Variants in MAP3K3 observed in about 807,000 individuals in gnomAD.
MAP3K3 encodes the protein mitogen-activated protein kinase kinase kinase 3.
In MAP3K3, 12 loss-of-function variants were observed where a neutral mutation model predicts 80.9. The observed-to-expected ratio is 0.15, with a 90% confidence interval of 0.10 to 0.24. The LOEUF (loss-of-function observed/expected upper bound fraction) is 0.24, where lower values mean the gene tolerates loss of function less well. Ranked by LOEUF, MAP3K3 falls within the 10% of genes least tolerant of loss-of-function variation. The pLI, the probability that MAP3K3 is intolerant of heterozygous loss-of-function variation, is 1.00. For synonymous variants in MAP3K3, 272 were observed against 307.1 expected (o/e 0.89, Z 1.19); for missense variants, 596 against 834.7 (o/e 0.71, Z 3.52).
intron 3 of MAP3K3, among the ~76,000 whole-genome samples, chr17:63,646,719 G>A (rs952319807): frequency 1.3e-5 from 2 of 152,038 alleles, no homozygotes; most frequent in African/African-American, 2.4e-5. Context: ...GTTATTTTTT[G>A]TGGGAAGCCA....
chr17:63,693,586 A>C lies in MAP3K3; in HGVS notation c.1690A>C (p.Lys564Gln). 6.2e-7 allele frequency: 1 copy of C among 1,607,640 alleles called. No individual in the cohort carries two copies. The highest frequency in any genetic ancestry group is 8.5e-7 in the Non-Finnish European group (1 of 1,176,964). Residue 564 changes from lysine (K) to glutamine (Q), a missense_variant, in exon 16 of 16, where the codon AAA (lysine) becomes CAA (glutamine). Transcript: ENST00000361733. The surrounding 1 kb of genome is among the most constrained non-coding windows in gnomAD (Gnocchi z 4.2). The stretch of plus-strand genomic sequence containing the variant: ...CACTGTGGTGGAGATGCTGACAGAG[A>C]AACCACCGTGGGCAGAGTATGAAGC... ...GCTVVEMLTEKPPWAEYEAMA... is the reference protein window; with the variant it reads ...GCTVVEMLTEQPPWAEYEAMA...
At chr17:63,662,967 G>T (rs946695184) in intron 5 of MAP3K3, among the ~76,000 whole-genome samples, 1 of 151,084 alleles carries the variant, frequency 6.6e-6, no homozygotes, top group African/African-American at 2.4e-5. Context: ...GAGCCACCAC[G>T]CCCGGCCCCA....
intron 1 of MAP3K3, among the ~76,000 whole-genome samples, 190 bp from the exon 2 acceptor site, chr17:63,632,491 C>T (rs948713647): frequency 2.0e-5 from 3 of 151,766 alleles, no homozygotes; most frequent in Non-Finnish European, 4.4e-5. Flanking sequence ...GACCTTGTCT[C>T]GAAGAAAAAA....
In MAP3K3 at chr17:63,690,297, A is replaced by G. The variant is rs1568155526; in HGVS notation, c.1097A>G (p.Lys366Arg). Residue 366 changes from lysine to arginine, a missense_variant, in exon 12 of 16, where the codon AAG (lysine) becomes AGG (arginine). Physicochemically the swap from Lys to Arg is conservative, Grantham distance 26. This residue lies in a region of MAP3K3 where 364 missense variants were observed against 588.9 expected (regional missense o/e 0.62). Coordinates refer to ENST00000361733, the MANE Select transcript of MAP3K3 (RefSeq NM_002401.5). Reference protein sequence around the residue: ...PSAPINWRRGKLLGQGAFGRV... With the variant: ...PSAPINWRRGRLLGQGAFGRV... The stretch of plus-strand genomic sequence containing the variant: ...GCCCCCATCAACTGGCGCCGGGGAA[A>G]GCTCCTGGGCCAGGGTGCCTTCGGC... 6.2e-7 allele frequency: 1 copy of G among 1,614,146 alleles called. No individual in the cohort carries two copies. The highest frequency in any genetic ancestry group is 1.7e-5 in the Admixed American group (1 of 60,018).
chr17:63,628,263 T>G (rs1210523459), intron 1 of MAP3K3, among the ~76,000 whole-genome samples: 8 of 152,234 alleles, frequency 5.3e-5, no homozygotes, highest in African/African-American at 1.9e-4. Context: ...ATCATCCATA[T>G]AACCTCTTAT....
At chr17:63,624,027 A>T (rs954986395) in intron 1 of MAP3K3, among the ~76,000 whole-genome samples, 7 of 152,186 alleles carry the variant, frequency 4.6e-5, no homozygotes, top group African/African-American at 1.7e-4. Context: ...CTCATACAGT[A>T]TGAGAAGGGT....
intron 5 of MAP3K3, among the ~76,000 whole-genome samples, chr17:63,663,900 T>C (rs2034945994): frequency 6.6e-6 from 1 of 151,960 alleles, no homozygotes; most frequent in Non-Finnish European, 1.5e-5. Flanking sequence ...AAAGATGATA[T>C]ATGTGGCATC....
At chr17:63,640,646 G>A (rs1598070149) in intron 2 of MAP3K3, among the ~76,000 whole-genome samples, 1 of 152,180 alleles carries the variant, frequency 6.6e-6, no homozygotes, top group East Asian at 1.9e-4. Flanking sequence ...GCAAAAATTA[G>A]GATAGCTTCG....
intron 1 of MAP3K3, among the ~76,000 whole-genome samples, chr17:63,624,070 C>T (rs1244348391): frequency 6.6e-6 from 1 of 152,178 alleles, no homozygotes; most frequent in African/African-American, 2.4e-5. Flanking sequence ...GTTTCCTTCT[C>T]ATGCTTTCCT....
chr17:63,627,521 C>T (rs557532415), intron 1 of MAP3K3, among the ~76,000 whole-genome samples: 12 of 151,910 alleles, frequency 7.9e-5, no homozygotes, highest in African/African-American at 2.9e-4. Context: ...CAGTTCACTG[C>T]AACCTCTGCC....
intron 1 of MAP3K3, among the ~76,000 whole-genome samples, chr17:63,629,729 C>G (rs1212760798): frequency 6.6e-6 from 1 of 152,192 alleles, no homozygotes; most frequent in African/African-American, 2.4e-5. Context: ...TTCTATAACC[C>G]TGATTCACTT....
chr17:63,676,721 C>T (rs1412892984), intron 6 of MAP3K3, among the ~76,000 whole-genome samples: 1 of 152,188 alleles, frequency 6.6e-6, no homozygotes, highest in East Asian at 1.9e-4. Context: ...CACAGAGCGT[C>T]CTCCCTCTTC....
At chr17:63,680,413 A>G (rs959587022) in intron 6 of MAP3K3, among the ~76,000 whole-genome samples, 2 of 152,186 alleles carry the variant, frequency 1.3e-5, no homozygotes, top group African/African-American at 2.4e-5. Flanking sequence ...GCTACAAGAA[A>G]TATTTGTGTG....
intron 6 of MAP3K3, among the ~76,000 whole-genome samples, chr17:63,674,112 A>C (rs1175748226): frequency 6.6e-6 from 1 of 151,062 alleles, no homozygotes; most frequent in East Asian, 1.9e-4. Flanking sequence ...TCCCTGCTAC[A>C]TTCTGACTCC....
chr17:63,633,336 C>T (rs986551690), intron 2 of MAP3K3, among the ~76,000 whole-genome samples: 16 of 151,866 alleles, frequency 1.1e-4, no homozygotes, highest in African/African-American at 2.4e-4. Flanking sequence ...TATTCATATT[C>T]GTTTTTCCCC....
At chr17:63,634,922 A>C in intron 2 of MAP3K3, 1 of 850,486 alleles carries the variant, frequency 1.2e-6, no homozygotes, top group Non-Finnish European at 1.9e-6. Flanking sequence ...AGCATTGGTT[A>C]CCCGTGACCT....
chr17:63,673,664 A>C lies in MAP3K3; in HGVS notation c.502+6604A>C, dbSNP rs561078350. On this transcript the variant is annotated intron_variant, in intron 6 of 15. Coordinates refer to ENST00000361733, the MANE Select transcript of MAP3K3 (RefSeq NM_002401.5). ...AGTGGCTCATGCCTATAATCTTAAC[A>C]CTTTGGGAGGCCAAGGCGGGCAAAT... Among the ~76,000 whole-genome samples the C allele has an allele frequency of 1.5e-4, 23 of 152,240 alleles. 1 individual carries two copies. The highest frequency in any genetic ancestry group is 5.5e-4 in the African/African-American group (23 of 41,506).
chr17:63,655,358 G>C (rs2034746211), intron 4 of MAP3K3, among the ~76,000 whole-genome samples: 2 of 152,168 alleles, frequency 1.3e-5, no homozygotes, highest in African/African-American at 4.8e-5. Flanking sequence ...AAATCAATAT[G>C]GGATTTGGAT....
chr17:63,666,880 G>A, intron 5 of MAP3K3, 60 bp from the exon 6 acceptor site: 1 of 1,595,592 alleles, frequency 6.3e-7, no homozygotes, highest in African/African-American at 1.4e-5. Context: ...AGGGTGAGAA[G>A]ACCTTGATAG....
Sources: allele counts gnomAD v4.1 joint callset (sites outside exome capture counted in the v4.1 genomes callset), GRCh38; gene constraint gnomAD v4.1.1; regional missense constraint gnomAD v4.1.1; non-coding constraint Gnocchi (gnomAD v3.1); transcripts MANE v1.5; gene names NCBI Gene and HGNC (gene_info 2026-07-23, HGNC 2026-07-21).